Variants in BMP7 observed in about 807,000 individuals in gnomAD.
BMP7 encodes bone morphogenetic protein 7.
Under a neutral mutation model 41.2 loss-of-function variants are expected in BMP7, and 12 were observed. The observed-to-expected ratio is 0.29, with a 90% confidence interval of 0.19 to 0.47. The LOEUF (loss-of-function observed/expected upper bound fraction) is 0.47. Among genes scored for constraint, BMP7 ranks in the 20% least tolerant of loss-of-function variants. The pLI is 0.99. For synonymous variants in BMP7, 248 were observed against 250.0 expected (o/e 0.99, Z 0.07); for missense variants, 467 against 606.0 (o/e 0.77, Z 2.41).
chr20:57,176,164 T>C (rs566196048), intron 4 of BMP7, among the ~76,000 whole-genome samples: 2 of 152,300 alleles, frequency 1.3e-5, no homozygotes, highest in South Asian at 2.1e-4. Flanking sequence ...TGGAGAGACA[T>C]TCATTCTCTT....
chr20:57,183,664 C>T (rs1269109660), intron 4 of BMP7, 58 bp downstream of exon 4: 35 of 1,607,986 alleles, frequency 2.2e-5, no homozygotes, highest in African/African-American at 6.7e-5. Context: ...TGCCGGGTCC[C>T]GCCGGGGCCC....
chr20:57,202,749 G>A, intron 2 of BMP7, 126 bp from the exon 3 acceptor site: 6 of 1,200,634 alleles, frequency 5.0e-6, no homozygotes, highest in Non-Finnish European at 7.0e-6. Context: ...TCCCCGACAA[G>A]TGGGAACATC....
intron 2 of BMP7, among the ~76,000 whole-genome samples, chr20:57,216,808 G>C (rs1470482389): frequency 6.6e-6 from 1 of 152,164 alleles, no homozygotes; most frequent in Non-Finnish European, 1.5e-5. Flanking sequence ...CAAGGTGGCA[G>C]TTGGTGAGGC....
At chr20:57,187,534 G>A (rs1004173687) in intron 3 of BMP7, among the ~76,000 whole-genome samples, 1 of 149,256 alleles carries the variant, frequency 6.7e-6, no homozygotes, top group Admixed American at 6.8e-5. Context: ...TCCCACTCTA[G>A]TGTCCAGAAG....
intron 2 of BMP7, among the ~76,000 whole-genome samples, chr20:57,205,663 A>G (rs967295443): frequency 6.6e-6 from 1 of 152,222 alleles, no homozygotes; most frequent in African/African-American, 2.4e-5. Flanking sequence ...ATGTGACCAG[A>G]TATCTGGACA....
chr20:57,265,928 G>C lies in BMP7; in HGVS notation c.195C>G (p.Pro65=). The stretch of plus-strand genomic sequence containing the variant: ...CCTGGAGGTGCGGGCGCGGGCGGTG[G>C]GGCAAGCCCAAAATGGAGAGGATCT... ...QREILSILGL[P]HRPRPHLQGK... Residue 65 remains proline, a synonymous_variant, in exon 1 of 7, where the codon CCC becomes CCG. Coordinates refer to ENST00000395863, the MANE Select transcript of BMP7 (RefSeq NM_001719.3). 1 of 1,561,976 alleles carries C rather than the reference G, an allele frequency of 6.4e-7. No homozygotes were observed. Among genetic ancestry groups the C allele is most frequent in the East Asian group, 2.4e-5 (1 of 42,092 alleles).
intron 3 of BMP7, among the ~76,000 whole-genome samples, chr20:57,195,634 G>T (rs1056694114): frequency 1.1e-4 from 16 of 152,266 alleles, no homozygotes; most frequent in African/African-American, 3.6e-4. Context: ...GCTTTGTGGG[G>T]CTTAGTTTCC....
chr20:57,241,087 A>G (rs1467143291), intron 1 of BMP7, among the ~76,000 whole-genome samples: 2 of 152,134 alleles, frequency 1.3e-5, no homozygotes, highest in Non-Finnish European at 2.9e-5. Flanking sequence ...CCAGATGAGG[A>G]CACTGAGGCT....
chr20:57,198,808 G>T (rs937227639), intron 3 of BMP7, among the ~76,000 whole-genome samples: 1 of 152,176 alleles, frequency 6.6e-6, no homozygotes, highest in African/African-American at 2.4e-5. Flanking sequence ...CTGAAAGAAG[G>T]TCTGCGATGG....
At chr20:57,254,091 C>T (rs906533832) in intron 1 of BMP7, among the ~76,000 whole-genome samples, 4 of 131,048 alleles carry the variant, frequency 3.1e-5, no homozygotes, top group South Asian at 4.9e-4. Flanking sequence ...GATGTGATCT[C>T]GGCTTACTGC....
chr20:57,196,587 G>A (rs1026267233), intron 3 of BMP7, among the ~76,000 whole-genome samples: 15 of 152,216 alleles, frequency 9.9e-5, no homozygotes, highest in African/African-American at 2.9e-4. Context: ...ACAACCAGAT[G>A]CGGGGGTGGG....
intron 1 of BMP7, among the ~76,000 whole-genome samples, chr20:57,233,958 G>A (rs1434158380): frequency 5.9e-5 from 9 of 152,200 alleles, no homozygotes; most frequent in Admixed American, 2.0e-4. Context: ...AGATACAGAA[G>A]ATATATTTCT....
intron 3 of BMP7, among the ~76,000 whole-genome samples, chr20:57,186,125 A>G (rs889592473): frequency 3.9e-5 from 6 of 152,208 alleles, no homozygotes; most frequent in African/African-American, 1.4e-4. Flanking sequence ...TAGAGATGGC[A>G]TTTAAAGCCA....
At chr20:57,225,927 G>A (rs1422500070) in intron 2 of BMP7, 4 of 471,122 alleles carry the variant, frequency 8.5e-6, no homozygotes, top group Admixed American at 7.0e-5. Context: ...CGTTCTGGTC[G>A]ATGCCCTCAG....
chr20:57,179,580 C>T (rs968674030), intron 4 of BMP7, among the ~76,000 whole-genome samples: 3 of 152,186 alleles, frequency 2.0e-5, no homozygotes, highest in Non-Finnish European at 2.9e-5. Flanking sequence ...GGTAGCGTGC[C>T]GGAGCATGTG....
At chr20:57,252,335 C>G (rs1226722550) in intron 1 of BMP7, among the ~76,000 whole-genome samples, 1 of 152,200 alleles carries the variant, frequency 6.6e-6, no homozygotes. Context: ...GGGTCTGAAG[C>G]AAGCAGGTCT....
chr20:57,253,573 A>T (rs2066122587), intron 1 of BMP7, among the ~76,000 whole-genome samples: 1 of 151,952 alleles, frequency 6.6e-6, no homozygotes, highest in South Asian at 2.1e-4. Context: ...TTGATTCGTT[A>T]TTGGCCTTCA....
chr20:57,242,925 C>T (rs2066075443), intron 1 of BMP7, among the ~76,000 whole-genome samples: 1 of 152,098 alleles, frequency 6.6e-6, no homozygotes, highest in Admixed American at 6.5e-5. Flanking sequence ...ATCACTTGAA[C>T]CCAGGAGGCG....
chr20:57,233,175 G>T (rs2123122020), intron 1 of BMP7, among the ~76,000 whole-genome samples: 1 of 152,080 alleles, frequency 6.6e-6, no homozygotes, highest in East Asian at 1.9e-4. Flanking sequence ...ATCTCCCCAT[G>T]CCCACAGAGA....
Sources: allele counts gnomAD v4.1 joint callset (sites outside exome capture counted in the v4.1 genomes callset), GRCh38; gene constraint gnomAD v4.1.1; transcripts MANE v1.5; gene names NCBI Gene and HGNC (gene_info 2026-07-23, HGNC 2026-07-21).